Variants in MMP27 observed in about 807,000 individuals in gnomAD.
MMP27 encodes the protein matrix metalloproteinase-27.
MMP27 carries 51 observed loss-of-function variants against 48.1 expected under a neutral mutation model. That is an observed-to-expected ratio of 1.06 (90% CI 0.85 to 1.34). The LOEUF is 1.34. MMP27 is among the 40% of genes most tolerant of loss of function. The probability of loss-of-function intolerance (pLI) is 0.00; values close to 1 mark genes in which losing one functional copy is unlikely to be tolerated. For missense variants in MMP27, 698 were observed against 619.3 expected, an observed-to-expected ratio of 1.13 and a Z score of -1.35; for synonymous variants, 229 against 208.9, an observed-to-expected ratio of 1.10 and a Z score of -0.83.
intron 9 of MMP27, 60 bp downstream of exon 9, chr11:102,692,877 TC>T (rs1860750476): frequency 7.1e-7 from 1 of 1,400,192 alleles, no homozygotes; most frequent in African/African-American, 1.4e-5. Context: ...TTTTGTGCTG[TC>T]TTTTTTCACA....
chr11:102,703,528 C>CTTT (rs35092309), intron 2 of MMP27, among the ~76,000 whole-genome samples: 1 of 148,558 alleles, frequency 6.7e-6, no homozygotes, highest in African/African-American at 2.5e-5. Flanking sequence ...ATATTAAGAA[C>CTTT]TTTTTTTTTT....
At chr11:102,700,600 GC>G (rs1229014160) in intron 4 of MMP27, among the ~76,000 whole-genome samples, 2 of 152,220 alleles carry the variant, frequency 1.3e-5, no homozygotes, top group African/African-American at 4.8e-5. Flanking sequence ...TACTTGACTT[GC>G]CCCGGGTCCC....
intron 2 of MMP27, among the ~76,000 whole-genome samples, chr11:102,703,928 G>A (rs1860995312): frequency 6.6e-6 from 1 of 152,180 alleles, no homozygotes. Flanking sequence ...TCAAGTCCTA[G>A]CACTCAGTAA....
In MMP27 at chr11:102,691,961, C is replaced by T. The variant is rs770589864; in HGVS notation, c.1347G>A (p.Lys449=). ...TCATGATTCGGGTAATATTCTTTGT[C>T]TTAATGTCGTATTCAAATTGCTTTG... ...RGSKQFEYDI[K]TKNITRIMRT... Residue 449 remains lysine, a synonymous_variant, in exon 10 of 10, where the codon AAG becomes AAA. Coordinates refer to ENST00000260229, the MANE Select transcript of MMP27 (RefSeq NM_022122.3). The T allele has an allele frequency of 6.2e-7, 1 of 1,612,232 alleles. No individual in the cohort carries two copies. Among genetic ancestry groups the T allele is most frequent in the Non-Finnish European group, 8.5e-7 (1 of 1,179,194 alleles).
chr11:102,705,090 C>G (rs1861022265), intron 1 of MMP27, among the ~76,000 whole-genome samples: 1 of 152,160 alleles, frequency 6.6e-6, no homozygotes, highest in African/African-American at 2.4e-5. Context: ...GAATGATGAC[C>G]TATCTTACAT....
chr11:102,696,543 T>A, intron 5 of MMP27, 52 bp from the exon 6 acceptor site: 1 of 1,605,110 alleles, frequency 6.2e-7, no homozygotes, highest in Non-Finnish European at 8.5e-7. Context: ...TGAAGAAATA[T>A]GCCTACACAA....
chr11:102,696,675 A>G lies in MMP27; in HGVS notation c.780T>C (p.Tyr260=). Residue 260 remains tyrosine (Y), a splice_region_variant and synonymous_variant, in exon 5 of 10, where the codon TAT becomes TAC. Transcript: ENST00000260229. Reference sequence around the variant, plus strand: ...ATTGAGATTTATAATTTTGCTCACCATAGATGGACTGGATTCCATTGATAT... The same window carrying G: ...ATTGAGATTTATAATTTTGCTCACCGTAGATGGACTGGATTCCATTGATAT... ...QDDINGIQSI[Y]GGLPKEPAKP... The G allele has an allele frequency of 1.9e-6, 3 of 1,610,490 alleles. No individual in the cohort carries two copies. The highest frequency in any genetic ancestry group is 2.5e-6 in the Non-Finnish European group (3 of 1,179,020).
chr11:102,692,968 T>A lies in MMP27; in HGVS notation c.1267A>T (p.Ile423Phe), dbSNP rs199715080. 24 of 1,613,880 alleles carry A rather than the reference T, an allele frequency of 1.5e-5. No homozygotes were observed. In the Admixed American group the frequency reaches 1.8e-4, roughly 12 times the overall value. ...TACTGGAAAGCAGCATCAACACGGA[T>A]ACTGATTCCAGGAAAGTGTTTTACC... is the stretch of plus-strand genomic sequence containing the variant. ...RVVKHFPGIS[I>F]RVDAAFQYKG... is the part of the protein sequence containing the mutation. The change falls in exon 9 of 10, where the codon ATC becomes TTC. Residue 423 changes from isoleucine to phenylalanine, a missense_variant. Ile to Phe is a conservative substitution (Grantham distance 21). Coordinates refer to ENST00000260229, the MANE Select transcript of MMP27 (RefSeq NM_022122.3).
chr11:102,702,822 G>A lies in MMP27; in HGVS notation c.550C>T (p.Pro184Ser). The A allele has an allele frequency of 1.2e-6, 2 of 1,613,994 alleles. No individual in the cohort carries two copies. Among genetic ancestry groups the A allele is most frequent in the Non-Finnish European group, 1.7e-6 (2 of 1,179,960 alleles). The part of the protein sequence containing the change: ...GPLGVLGHAF[P>S]PGPGLGGDTH... ...TCACCACCCAGACCCGGACCAGGAG[G>A]AAAGGCATGGCCAAGCACTCCCAAG... Residue 184 changes from proline (P) to serine (S), a missense_variant, in exon 4 of 10, where the codon CCT becomes TCT. Transcript: ENST00000260229.
At chr11:102,704,512 G>A (rs367834681) in intron 2 of MMP27, 25 bp downstream of exon 2, 232 of 1,521,330 alleles carry the variant, frequency 1.5e-4, no homozygotes, top group African/African-American at 6.0e-4. Flanking sequence ...TGGATTAGGC[G>A]GAAATAAGCT....
chr11:102,703,837 T>A (rs1860993271), intron 2 of MMP27, among the ~76,000 whole-genome samples: 1 of 152,206 alleles, frequency 6.6e-6, no homozygotes, highest in Non-Finnish European at 1.5e-5. Flanking sequence ...ATATTAAGAA[T>A]CTTACATGAG....
At chr11:102,704,848 G>A in intron 1 of MMP27, 73 bp from the exon 2 acceptor site, 24 of 968,758 alleles carry the variant, frequency 2.5e-5, no homozygotes, top group Middle Eastern at 3.2e-4. Flanking sequence ...TCAGGATAAA[G>A]CAAAATTGCC....
chr11:102,700,777 G>A (rs1189253644), intron 4 of MMP27, among the ~76,000 whole-genome samples: 2 of 152,252 alleles, frequency 1.3e-5, no homozygotes, highest in Admixed American at 6.5e-5. Context: ...CTTGGCACCT[G>A]GCTTTGCTTT....
rs1204568922 is a variant in MMP27, at chr11:102,691,587, G to A, written c.*179C>T. 3.9e-6 allele frequency: 2 copies of A among 518,820 alleles called. No homozygotes were observed. Among genetic ancestry groups the A allele is most frequent in the Non-Finnish European group, 6.6e-6 (2 of 302,006 alleles). The allele number at this position is 518,820 out of a possible 1,614,324, so 32.1% of individuals were successfully genotyped here. On this transcript the variant is annotated 3_prime_UTR_variant, in exon 10 of 10. Transcript: ENST00000260229. ...ATGAAATAGGCTTAAAGTACAGTCA[G>A]AGATTTTTGTTTCTACATAATAACT...
intron 1 of MMP27, 96 bp from the exon 2 acceptor site, chr11:102,704,871 T>G: frequency 2.8e-6 from 2 of 714,242 alleles, no homozygotes; most frequent in South Asian, 2.0e-5. Flanking sequence ...AAATTCCTTC[T>G]GGCAATAGGA....
intron 6 of MMP27, among the ~76,000 whole-genome samples, chr11:102,696,123 T>G (rs1826283789): frequency 6.6e-6 from 1 of 152,234 alleles, no homozygotes; most frequent in Non-Finnish European, 1.5e-5. Flanking sequence ...AAAAAGTCAC[T>G]GAAAGTGGAC....
intron 8 of MMP27, among the ~76,000 whole-genome samples, chr11:102,693,619 CA>C (rs1449193367): frequency 1.3e-5 from 2 of 151,856 alleles, no homozygotes; most frequent in Non-Finnish European, 2.9e-5. Flanking sequence ...TCCATCTCTA[CA>C]AAAAGTACAA....
At position 102,704,712 on chromosome 11, in the gene MMP27, T is replaced by C. The variant is rs1326823376; in HGVS notation, c.166A>G (p.Arg56Gly). 2 of 1,613,822 alleles carry C rather than the reference T, an allele frequency of 1.2e-6. No individual in the cohort carries two copies. The highest frequency in any genetic ancestry group is 2.7e-5 in the African/African-American group (2 of 74,894). ...EGNHLVQSKN[R>G]SLIDDKIREM... ...CGAATTTTGTCATCTATGAGACTCC[T>C]ATTCTTGCTTTGAACAAGATGATTC... Residue 56 changes from arginine (R) to glycine (G), a missense_variant, in exon 2 of 10, where the codon AGG (arginine) becomes GGG (glycine). Physicochemically the swap from Arg to Gly is moderately radical, Grantham distance 125. Coordinates refer to ENST00000260229, the MANE Select transcript of MMP27 (RefSeq NM_022122.3).
At chr11:102,695,145 A>G (rs1055045817) in intron 6 of MMP27, 48 bp from the exon 7 acceptor site, 52 of 1,585,018 alleles carry the variant, frequency 3.3e-5, no homozygotes, top group Non-Finnish European at 4.0e-5. Context: ...TTTCCATGTC[A>G]ATGAGAATTT....
Sources: gnomAD v4.1 joint callset for allele counts (sites outside exome capture counted in the v4.1 genomes callset) on GRCh38, gnomAD v4.1.1 for gene constraint, MANE v1.5 for transcripts, NCBI Gene and HGNC (gene_info 2026-07-23, HGNC 2026-07-21) for gene names.